Variants in CDK6 observed in about 807,000 individuals in gnomAD.
CDK6 encodes cyclin dependent kinase 6.
CDK6 carries 6 observed loss-of-function variants against 37.1 expected under a neutral mutation model. That is an observed-to-expected ratio of 0.16 (90% confidence interval 0.09 to 0.32). The LOEUF is 0.32. Among genes scored for constraint, CDK6 ranks in the 10% least tolerant of loss-of-function variants. The pLI is 1.00. For synonymous variants in CDK6, 160 were observed against 161.3 expected (o/e 0.99, Z 0.06); for missense variants, 224 against 418.9 (o/e 0.53, Z 4.06).
chr7:92,835,346 C>T lies in CDK6; in HGVS notation c.-368+1132G>A. ...AAGCGTCGGGGACGTCCCACCCCCG[C>T]AGGGAACTGCGCCTGCTGCCCCCGC... On this transcript the variant is annotated intron_variant, in intron 1 of 7. Coordinates refer to ENST00000424848, the MANE Select transcript of CDK6 (RefSeq NM_001145306.2). The surrounding 1 kb of genome is among the most constrained non-coding windows in gnomAD (Gnocchi z 4.2). 6.8e-6 allele frequency: 1 copy of T among 146,986 alleles called. No individual in the cohort carries two copies. The highest frequency in any genetic ancestry group is 2.2e-4 in the East Asian group (1 of 4,614). 9.1% of individuals were successfully genotyped at this position (146,986 alleles called of 1,614,324 possible). A position where few individuals can be genotyped will look rare whatever the true frequency, so the allele number is the denominator to read the frequency against.
chr7:92,813,675 G>A lies in CDK6; in HGVS notation c.233+19416C>T, dbSNP rs1035931166. On this transcript the variant is annotated intron_variant, in intron 2 of 7. Coordinates refer to ENST00000424848, the MANE Select transcript of CDK6 (RefSeq NM_001145306.2). ...TGTACAGTTAAGAATTACATTCACA[G>A]TGAGCTTCCAGAAATATGCTGACTT... Among the ~76,000 whole-genome samples, 15 of 152,320 alleles carry A rather than the reference G, an allele frequency of 9.8e-5. No homozygotes were observed. The South Asian group carries it at 2.5e-3, about 25-fold the overall frequency.
chr7:92,701,288 A>G (rs565482431), intron 4 of CDK6, among the ~76,000 whole-genome samples: 19 of 152,342 alleles, frequency 1.2e-4, no homozygotes, highest in African/African-American at 4.6e-4. Context: ...ATTTGCAAGT[A>G]TATGTTGTAG....
chr7:92,723,571 T>C (rs1238526790), intron 4 of CDK6, among the ~76,000 whole-genome samples: 1 of 152,174 alleles, frequency 6.6e-6, no homozygotes, highest in Non-Finnish European at 1.5e-5. Context: ...GTATTTCCTT[T>C]AAATAGAAAA....
intron 3 of CDK6, among the ~76,000 whole-genome samples, chr7:92,728,398 T>C (rs932259019): frequency 2.0e-5 from 3 of 152,232 alleles, no homozygotes; most frequent in African/African-American, 7.2e-5. Context: ...CATTATTTTG[T>C]AGCTCTTTTA....
At chr7:92,672,166 T>TACACACACACACACACACAC (rs1434883987) in intron 4 of CDK6, among the ~76,000 whole-genome samples, 1 of 38,734 alleles carries the variant, frequency 2.6e-5, no homozygotes, top group Non-Finnish European at 4.7e-5. Context: ...TATATACACA[T>TACACACACACACACACACAC]ACACACACAC....
chr7:92,610,309 AG>A lies in CDK6; in HGVS notation c.*4830del, dbSNP rs1241024186. On this transcript the variant is annotated 3_prime_UTR_variant, in exon 8 of 8. Transcript: ENST00000424848. Reference sequence around the variant, plus strand: ...GCTAGACAAGGTAACAATATGTTGAAGGAAGTCCACTTCTACTCATTTAGCT... The same window carrying A: ...GCTAGACAAGGTAACAATATGTTGAAGAAGTCCACTTCTACTCATTTAGCT... 1 of 232,188 alleles carries A rather than the reference AG, an allele frequency of 4.3e-6. No individual in the cohort carries two copies. Among genetic ancestry groups the A allele is most frequent in the Admixed American group, 5.6e-5 (1 of 17,762 alleles). The allele number at this position is 232,188 out of a possible 1,614,324, so 14.4% of individuals were successfully genotyped here.
intron 4 of CDK6, among the ~76,000 whole-genome samples, chr7:92,708,904 A>G (rs1313678740): frequency 6.6e-6 from 1 of 152,242 alleles, no homozygotes; most frequent in South Asian, 2.1e-4. Flanking sequence ...AGTAGTGGCT[A>G]CTATGTTCTG....
chr7:92,653,104 C>T (rs769824686), intron 5 of CDK6, among the ~76,000 whole-genome samples: 5 of 152,028 alleles, frequency 3.3e-5, no homozygotes, highest in Non-Finnish European at 4.4e-5. Context: ...TTAATAGAAA[C>T]GTATTTTATC....
chr7:92,689,087 AC>A (rs1421038318), intron 4 of CDK6, among the ~76,000 whole-genome samples: 1 of 152,180 alleles, frequency 6.6e-6, no homozygotes, highest in Non-Finnish European at 1.5e-5. Flanking sequence ...TTGGTGGCCA[AC>A]ACTCAGTGCC....
chr7:92,671,676 T>A (rs1228234184), intron 4 of CDK6, 141 bp from the exon 5 acceptor site: 7 of 423,512 alleles, frequency 1.7e-5, no homozygotes, highest in African/African-American at 1.4e-4. Flanking sequence ...CTAGAAGCAA[T>A]AGGTAAATAG....
chr7:92,803,388 T>C (rs751434576), intron 2 of CDK6, among the ~76,000 whole-genome samples: 17 of 152,174 alleles, frequency 1.1e-4, no homozygotes, highest in Non-Finnish European at 2.5e-4. Flanking sequence ...ACTAAAGTTT[T>C]CAGAAATGCT....
In CDK6 at chr7:92,738,012, C is replaced by T. The variant is rs1346264383; in HGVS notation, c.370-12219G>A. On this transcript the variant is annotated intron_variant, in intron 3 of 7. Transcript: ENST00000424848. ...GTTTTGGGTAGAGTTGCACGCACAG[C>T]TGCTTATGGGGACTCCATAGAGGTG... Among the ~76,000 whole-genome samples, 7 of 152,320 alleles carry T rather than the reference C, an allele frequency of 4.6e-5. No homozygotes were observed. The South Asian group carries it at 8.3e-4, about 18-fold the overall frequency.
intron 2 of CDK6, among the ~76,000 whole-genome samples, chr7:92,829,475 T>C (rs767177089): frequency 6.6e-6 from 1 of 152,218 alleles, no homozygotes; most frequent in Non-Finnish European, 1.5e-5. Flanking sequence ...ATCAGGGTTA[T>C]GGTGATCATC....
intron 3 of CDK6, among the ~76,000 whole-genome samples, chr7:92,742,119 A>C (rs1798938640): frequency 6.6e-6 from 1 of 152,222 alleles, no homozygotes; most frequent in African/African-American, 2.4e-5. Context: ...CAGTTTGTTT[A>C]AAATATTTTA....
intron 2 of CDK6, among the ~76,000 whole-genome samples, chr7:92,794,093 T>C (rs1800346288): frequency 6.6e-6 from 1 of 152,120 alleles, no homozygotes. Context: ...AAGTGGTCAA[T>C]GGTGTATATA....
intron 7 of CDK6, 98 bp from the exon 8 acceptor site, chr7:92,615,384 G>T: frequency 3.1e-6 from 3 of 958,322 alleles, no homozygotes; most frequent in Non-Finnish European, 4.8e-6. Flanking sequence ...TATGTTAAGC[G>T]CATCTACAGT....
intron 2 of CDK6, among the ~76,000 whole-genome samples, chr7:92,808,863 A>C (rs1349465389): frequency 6.6e-6 from 1 of 152,196 alleles, no homozygotes; most frequent in Non-Finnish European, 1.5e-5. Flanking sequence ...ACTCCATTTC[A>C]AAGCTAACTT....
chr7:92,797,519 A>G (rs547907046), intron 2 of CDK6, among the ~76,000 whole-genome samples: 26 of 152,298 alleles, frequency 1.7e-4, no homozygotes, highest in Admixed American at 1.6e-3. Context: ...ATACTGGAAC[A>G]TGGCAACCAC....
intron 3 of CDK6, among the ~76,000 whole-genome samples, chr7:92,737,624 A>G (rs764651603): frequency 6.6e-6 from 1 of 152,234 alleles, no homozygotes; most frequent in Non-Finnish European, 1.5e-5. Context: ...AGCTACTACC[A>G]AAACGGGAAA....
Sources: allele counts gnomAD v4.1 joint callset (sites outside exome capture counted in the v4.1 genomes callset), GRCh38; gene constraint gnomAD v4.1.1; non-coding constraint Gnocchi (gnomAD v3.1); transcripts MANE v1.5; gene names NCBI Gene and HGNC (gene_info 2026-07-23, HGNC 2026-07-21).